SPAG16: variants seen among roughly 807,000 people sequenced by gnomAD.
The protein encoded by SPAG16 is sperm-associated antigen 16 protein.
Under a neutral mutation model 80.4 loss-of-function variants are expected in SPAG16, and 86 were observed. That is an observed-to-expected ratio of 1.07 (90% confidence interval 0.90 to 1.28). The LOEUF (loss-of-function observed/expected upper bound fraction) is 1.28. Among genes scored for constraint, SPAG16 ranks in the 50% most tolerant of loss-of-function variants. SPAG16 has a pLI of 0.00. For missense variants in SPAG16, 870 were observed against 765.3 expected (o/e 1.14, Z -1.61); for synonymous variants, 294 against 265.9 (o/e 1.11, Z -1.03).
intron 10 of SPAG16, among the ~76,000 whole-genome samples, chr2:213,775,655 C>T (rs1402862280): frequency 3.3e-5 from 5 of 152,228 alleles, no homozygotes; most frequent in Admixed American, 3.3e-4. Context: ...GTCCCTGCTA[C>T]TTACCATTCT....
At chr2:213,716,650 T>C (rs763275303) in intron 10 of SPAG16, among the ~76,000 whole-genome samples, 1 of 152,196 alleles carries the variant, frequency 6.6e-6, no homozygotes, top group African/African-American at 2.4e-5. Flanking sequence ...TAACTTCTTT[T>C]CTTTAACCTA....
At chr2:213,964,811 T>G (rs2044624243) in intron 12 of SPAG16, among the ~76,000 whole-genome samples, 1 of 152,250 alleles carries the variant, frequency 6.6e-6, no homozygotes, top group African/African-American at 2.4e-5. Flanking sequence ...CTTTCAACCC[T>G]GGACTTTTCA....
At chr2:214,148,074 T>A (rs559851645) in intron 14 of SPAG16, among the ~76,000 whole-genome samples, 29 of 152,274 alleles carry the variant, frequency 1.9e-4, no homozygotes, top group African/African-American at 7.0e-4. Context: ...AGGGAAACTG[T>A]ACATCAAATG....
chr2:213,368,343 A>C (rs915355505), intron 8 of SPAG16, among the ~76,000 whole-genome samples: 2 of 152,186 alleles, frequency 1.3e-5, no homozygotes, highest in Non-Finnish European at 2.9e-5. Context: ...TGGTAGCTTG[A>C]TGGCGATGGC....
chr2:214,203,567 C>T (rs62196171), intron 15 of SPAG16, among the ~76,000 whole-genome samples: 145 of 152,250 alleles, frequency 9.5e-4, no homozygotes, highest in Non-Finnish European at 9.7e-4. Context: ...ACCTCAAGTT[C>T]CAGATCAGGG....
rs183733134 is a variant in SPAG16, at chr2:213,368,870, G to C, written c.832+4725G>C. ...CCAACTTACAAAGGATGTGAAGGAC[G>C]TCTTCAAGGAGAACTACAAACCACT... On this transcript the variant is annotated intron_variant, in intron 8 of 15. Transcript: ENST00000331683. 2.2e-3 allele frequency among the ~76,000 whole-genome samples: 332 copies of C among 152,238 alleles called. 3 individuals carry two copies. The highest frequency in any genetic ancestry group is 6.8e-3 in the Middle Eastern group (2 of 294).
chr2:213,997,197 AC>A (rs2046564201), intron 12 of SPAG16, among the ~76,000 whole-genome samples: 1 of 152,020 alleles, frequency 6.6e-6, no homozygotes, highest in South Asian at 2.1e-4. Context: ...CTCATCTTTC[AC>A]CTTTGCTTAT....
chr2:213,377,415 G>C (rs916456938), intron 9 of SPAG16, among the ~76,000 whole-genome samples: 18 of 152,134 alleles, frequency 1.2e-4, no homozygotes, highest in African/African-American at 3.6e-4. Flanking sequence ...ATTCATTCAG[G>C]CTTCATGAAA....
intron 13 of SPAG16, among the ~76,000 whole-genome samples, chr2:214,035,893 TC>T (rs1354236427): frequency 6.6e-6 from 1 of 152,158 alleles, no homozygotes; most frequent in Non-Finnish European, 1.5e-5. Context: ...TCCTGCCAGC[TC>T]CATGGAGTGC....
intron 9 of SPAG16, among the ~76,000 whole-genome samples, chr2:213,446,488 C>T (rs1294147998): frequency 6.6e-6 from 1 of 152,178 alleles, no homozygotes; most frequent in Non-Finnish European, 1.5e-5. Context: ...GAGAAAGAAT[C>T]TCAGAGCTCT....
At chr2:213,918,781 CTT>C (rs1049702440) in intron 11 of SPAG16, among the ~76,000 whole-genome samples, 8 of 152,102 alleles carry the variant, frequency 5.3e-5, no homozygotes, top group African/African-American at 1.9e-4. Flanking sequence ...AATACATAGA[CTT>C]TTTATTACTG....
At chr2:213,526,263 A>G (rs2075882877) in intron 10 of SPAG16, among the ~76,000 whole-genome samples, 1 of 152,198 alleles carries the variant, frequency 6.6e-6, no homozygotes, top group Non-Finnish European at 1.5e-5. Context: ...AATACTCAAT[A>G]TTTAGTATTT....
At chr2:213,833,577 A>ATTATATATATT (rs1491221755) in intron 10 of SPAG16, among the ~76,000 whole-genome samples, 719 of 6,556 alleles carry the variant, frequency 0.11, 268 homozygotes, top group Non-Finnish European at 0.2. Flanking sequence ...ATATATATAT[A>ATTATATATATT]ATATATATAT....
intron 10 of SPAG16, among the ~76,000 whole-genome samples, chr2:213,684,108 G>A (rs1285609338): frequency 6.6e-6 from 1 of 152,184 alleles, no homozygotes; most frequent in African/African-American, 2.4e-5. Flanking sequence ...TTCAAACTTA[G>A]CAGTGTACAA....
Position 213,350,579 on chromosome 2 carries a change from G to A in SPAG16, c.696G>A (p.Glu232=). 6.2e-7 allele frequency: 1 copy of A among 1,602,344 alleles called. No individual in the cohort carries two copies. Among genetic ancestry groups the A allele is most frequent in the Non-Finnish European group, 8.5e-7 (1 of 1,176,526 alleles). Residue 232 remains glutamate (E), a synonymous_variant, in exon 7 of 16, where the codon GAG becomes GAA. Transcript: ENST00000331683. ...SYEPTIRVLH[E]KHHTLLKEKM... is the part of the protein sequence containing the mutation. ...AACCGACTATAAGGGTGTTACATGA[G>A]AAACACCACACTTTACTGAAGGAGA... is the stretch of plus-strand genomic sequence containing the variant.
Position 213,657,922 on chromosome 2 carries a change from A to G in SPAG16, c.1070+167832A>G, listed in dbSNP as rs988771253. Among the ~76,000 whole-genome samples the G allele has an allele frequency of 2.0e-5, 3 of 152,170 alleles. No homozygotes were observed. In the East Asian group the frequency reaches 5.8e-4, roughly 29 times the overall value. On this transcript the variant is annotated intron_variant, in intron 10 of 15. Transcript: ENST00000331683. ...CTTTCTACCTGTAGTTTTTCCTATA[A>G]TTGTTTTTTCAAATGCAGTCTACTA... is the stretch of plus-strand genomic sequence containing the variant.
rs114055217 is a variant in SPAG16, at chr2:213,713,410, G to A, written c.1071-149075G>A. Among the ~76,000 whole-genome samples, 1,154 of 152,278 alleles carry A rather than the reference G, an allele frequency of 7.6e-3. 26 individuals carry two copies. Among genetic ancestry groups the A allele is most frequent in the African/African-American group, 0.027 (1,116 of 41,536 alleles). On this transcript the variant is annotated intron_variant, in intron 10 of 15. Transcript: ENST00000331683. ...GGATGTAGTAACCACAGCAAAAGGA[G>A]GCTGGAAACAGTACTAAGGGGCATT...
chr2:213,594,206 A>T (rs956349256), intron 10 of SPAG16, among the ~76,000 whole-genome samples: 2 of 152,194 alleles, frequency 1.3e-5, no homozygotes, highest in African/African-American at 2.4e-5. Context: ...CACAGATTTT[A>T]GGAGTCTTTT....
intron 10 of SPAG16, among the ~76,000 whole-genome samples, chr2:213,829,992 T>A (rs2073536480): frequency 6.6e-6 from 1 of 152,066 alleles, no homozygotes; most frequent in South Asian, 2.1e-4. Flanking sequence ...GCACAAGGAC[T>A]CTCTTAGCCA....
Sources: allele counts gnomAD v4.1 joint callset (sites outside exome capture counted in the v4.1 genomes callset), GRCh38; gene constraint gnomAD v4.1.1; transcripts MANE v1.5; gene names NCBI Gene and HGNC (gene_info 2026-07-23, HGNC 2026-07-21).